The following DNAH10 variants were observed in gnomAD, a reference collection of about 807,000 sequenced individuals.
DNAH10 encodes axonemal beta dynein heavy chain 10.
DNAH10 carries 348 observed loss-of-function variants against 506.6 expected under a neutral mutation model. The ratio of observed to expected loss-of-function variants is 0.69; its 90% confidence interval spans 0.63 to 0.75. The LOEUF (loss-of-function observed/expected upper bound fraction) is 0.75, where lower values mean the gene tolerates loss of function less well. DNAH10 is among the 30% of genes least tolerant of loss of function. The pLI is 0.00. For missense variants in DNAH10, 5,179 were observed against 5,787.1 expected, an observed-to-expected ratio of 0.89 and a Z score of 3.41; for synonymous variants, 2,059 against 2,198.6, an observed-to-expected ratio of 0.94 and a Z score of 1.78.
intron 14 of DNAH10, 64 bp downstream of exon 14, chr12:123,799,435 C>T (rs1272231998): frequency 3.9e-6 from 6 of 1,549,854 alleles, no homozygotes; most frequent in Non-Finnish European, 4.4e-6. Flanking sequence ...CACATTTTCT[C>T]AAGGCTTGAT....
In DNAH10 at chr12:123,804,989, A is replaced by G; in HGVS notation, c.2936A>G (p.Tyr979Cys). The change falls in exon 18 of 79, where the codon TAC (tyrosine) becomes TGC (cysteine). Residue 979 changes from tyrosine (Y) to cysteine (C), a missense_variant. By Grantham distance (194) the Tyr-to-Cys change is radical. Coordinates refer to ENST00000673944, the MANE Select transcript of DNAH10 (RefSeq NM_001372106.1). Reference sequence around the variant, plus strand: ...AAGGCCCCCAAGCTGGCCTCCTACTACAAATACTGGGAAAAGAAAATTTAT... The same window carrying G: ...AAGGCCCCCAAGCTGGCCTCCTACTGCAAATACTGGGAAAAGAAAATTTAT... ...TGKAPKLASYYKYWEKKIYEV... is the reference protein window; with the variant it reads ...TGKAPKLASYCKYWEKKIYEV... The G allele has an allele frequency of 6.2e-7, 1 of 1,614,216 alleles. No homozygotes were observed. Among genetic ancestry groups the G allele is most frequent in the Non-Finnish European group, 8.5e-7 (1 of 1,180,036 alleles).
chr12:123,875,541 G>A (rs1835977582), intron 47 of DNAH10, 50 bp downstream of exon 47: 2 of 1,605,410 alleles, frequency 1.2e-6, no homozygotes, highest in African/African-American at 2.7e-5. Flanking sequence ...TGTGTTGGGG[G>A]GAAACATACA....
At chr12:123,838,141 A>G (rs748899376) in intron 28 of DNAH10, among the ~76,000 whole-genome samples, 10 of 152,102 alleles carry the variant, frequency 6.6e-5, no homozygotes, top group Non-Finnish European at 1.2e-4. Context: ...GTGTGTAAGC[A>G]CTTCTGTAGG....
intron 51 of DNAH10, among the ~76,000 whole-genome samples, chr12:123,885,609 G>A (rs1952695460): frequency 1.3e-5 from 2 of 152,070 alleles, no homozygotes; most frequent in Non-Finnish European, 2.9e-5. Flanking sequence ...TATGGAGTTT[G>A]CCTCTTTGGA....
At position 123,926,774 on chromosome 12, in the gene DNAH10, G is replaced by C. The variant is rs777928154; in HGVS notation, c.12059G>C (p.Gly4020Ala). 6 of 1,613,946 alleles carry C rather than the reference G, an allele frequency of 3.7e-6. No individual in the cohort carries two copies. The South Asian group carries it at 6.6e-5, about 18-fold the overall frequency. The change falls in exon 69 of 79, where the codon GGA (glycine) becomes GCA (alanine). Residue 4020 changes from glycine (G) to alanine (A), a missense_variant. Coordinates refer to ENST00000673944, the MANE Select transcript of DNAH10 (RefSeq NM_001372106.1). The surrounding 1 kb of genome is among the most constrained non-coding windows in gnomAD (Gnocchi z 4.1). Reference protein sequence around the residue: ...LMKLAERSGFGGNRLKFLAMG... With the variant: ...LMKLAERSGFAGNRLKFLAMG... ...AAATTAGCAGAGCGAAGTGGTTTTG[G>C]AGGAAATCGCCTCAAATTCCTTGCA...
At chr12:123,927,873 A>G (rs1955015730) in intron 69 of DNAH10, 1 of 156,692 alleles carries the variant, frequency 6.4e-6, no homozygotes, top group Admixed American at 6.2e-5. Flanking sequence ...GAAATAAGCT[A>G]TTGTAACGCC....
At chr12:123,772,224 C>T (rs1322396845) in intron 3 of DNAH10, among the ~76,000 whole-genome samples, 1 of 152,176 alleles carries the variant, frequency 6.6e-6, no homozygotes, top group Non-Finnish European at 1.5e-5. Context: ...TGAACTGATC[C>T]TGTATGACTG....
chr12:123,796,613 G>T, intron 12 of DNAH10, 43 bp from the exon 13 acceptor site: 1 of 1,525,292 alleles, frequency 6.6e-7, no homozygotes, highest in Non-Finnish European at 8.8e-7. Context: ...TGGCTAACCT[G>T]GCGATGTTTA....
intron 37 of DNAH10, among the ~76,000 whole-genome samples, chr12:123,858,107 A>AT (rs1247020496): frequency 6.6e-6 from 1 of 151,990 alleles, no homozygotes; most frequent in Non-Finnish European, 1.5e-5. Context: ...TGACTCAAAT[A>AT]TTTTGTTTTG....
At chr12:123,905,236 C>T (rs531208216) in intron 57 of DNAH10, among the ~76,000 whole-genome samples, 39 of 152,274 alleles carry the variant, frequency 2.6e-4, no homozygotes, top group Admixed American at 2.3e-3. Context: ...GTGGCTGTGC[C>T]GTAATTTATT....
chr12:123,875,424 A>T lies in DNAH10; in HGVS notation c.8132A>T (p.Asn2711Ile), dbSNP rs374934914. The T allele has an allele frequency of 1.2e-6, 2 of 1,614,026 alleles. No individual in the cohort carries two copies. Among genetic ancestry groups the T allele is most frequent in the Non-Finnish European group, 1.7e-6 (2 of 1,179,902 alleles). ...PRFISLFSVF[N>I]VPFPSEESLH... Reference sequence around the variant, plus strand: ...TTTATTTCGCTATTCAGTGTCTTCAATGTGCCATTTCCTTCAGAGGAGTCT... The same window carrying T: ...TTTATTTCGCTATTCAGTGTCTTCATTGTGCCATTTCCTTCAGAGGAGTCT... The change falls in exon 47 of 79, where the codon AAT becomes ATT. Residue 2711 changes from asparagine to isoleucine, a missense_variant. Transcript: ENST00000673944.
intron 36 of DNAH10, among the ~76,000 whole-genome samples, chr12:123,856,424 C>T (rs1271083889): frequency 6.6e-6 from 1 of 150,620 alleles, no homozygotes; most frequent in Non-Finnish European, 1.5e-5. Flanking sequence ...GCAACCTCCA[C>T]CTCCTGGGTT....
intron 45 of DNAH10, among the ~76,000 whole-genome samples, chr12:123,872,216 G>A (rs1328644129): frequency 2.0e-5 from 3 of 152,016 alleles, no homozygotes; most frequent in Non-Finnish European, 4.4e-5. Flanking sequence ...AATGTGTCGG[G>A]GGTCGGATAT....
At chr12:123,851,174 TC>T in intron 35 of DNAH10, 98 bp downstream of exon 35, 2 of 1,305,706 alleles carry the variant, frequency 1.5e-6, no homozygotes, top group South Asian at 1.6e-5. Flanking sequence ...GTGTGGCTCT[TC>T]CAGACGGGAC....
At chr12:123,867,376 C>T (rs1483266717) in intron 41 of DNAH10, 91 bp from the exon 42 acceptor site, 3 of 1,406,710 alleles carry the variant, frequency 2.1e-6, no homozygotes, top group African/African-American at 2.9e-5. Flanking sequence ...GAAGATGTTG[C>T]TCAACCCTCT....
intron 37 of DNAH10, 67 bp from the exon 38 acceptor site, chr12:123,859,083 T>C: frequency 7.3e-7 from 1 of 1,378,810 alleles, no homozygotes; most frequent in South Asian, 1.3e-5. Context: ...GTGTGTGTTG[T>C]ATCGCAATAA....
intron 16 of DNAH10, 122 bp from the exon 17 acceptor site, chr12:123,803,539 G>C: frequency 1.0e-6 from 1 of 983,416 alleles, no homozygotes; most frequent in South Asian, 2.0e-5. Context: ...GACCCAAGGG[G>C]TTGGAATGAG....
chr12:123,849,988 C>T (rs1326909219), intron 34 of DNAH10, among the ~76,000 whole-genome samples: 4 of 152,148 alleles, frequency 2.6e-5, no homozygotes, highest in Non-Finnish European at 4.4e-5. Context: ...AGCTGTGTTT[C>T]TCAGAGCCAG....
intron 57 of DNAH10, chr12:123,908,387 A>G (rs1411698208): frequency 2.2e-6 from 1 of 455,108 alleles, no homozygotes; most frequent in Non-Finnish European, 4.4e-6. Flanking sequence ...CCGCCCCCAC[A>G]CTGCATCCAT....
Sources: gnomAD v4.1 joint callset for allele counts (sites outside exome capture counted in the v4.1 genomes callset) on GRCh38, gnomAD v4.1.1 for gene constraint, Gnocchi (gnomAD v3.1) non-coding constraint, MANE v1.5 for transcripts, NCBI Gene and HGNC (gene_info 2026-07-23, HGNC 2026-07-21) for gene names.